EML1: variants seen among roughly 807,000 people sequenced by gnomAD.
The protein encoded by EML1 is echinoderm microtubule-associated protein-like 1.
Under a neutral mutation model 110.4 loss-of-function variants are expected in EML1, and 27 were observed. That is an observed-to-expected ratio of 0.24 (90% CI 0.18 to 0.34). EML1 has a LOEUF of 0.34. Among genes scored for constraint, EML1 ranks in the 10% least tolerant of loss-of-function variants. EML1 has a pLI of 1.00. For synonymous variants in EML1, 344 were observed against 385.8 expected, an observed-to-expected ratio of 0.89 and a Z score of 1.27; for missense variants, 741 against 1,030.9, an observed-to-expected ratio of 0.72 and a Z score of 3.85.
chr14:99,889,620 A>T (rs1324069990), intron 4 of EML1, among the ~76,000 whole-genome samples: 1 of 152,200 alleles, frequency 6.6e-6, no homozygotes, highest in Non-Finnish European at 1.5e-5. Flanking sequence ...CAGTGGCCTG[A>T]GAGTGGCTGA....
chr14:99,920,996 A>G, intron 17 of EML1, 119 bp downstream of exon 17: 1 of 900,062 alleles, frequency 1.1e-6, no homozygotes, highest in Non-Finnish European at 1.7e-6. Flanking sequence ...ATGGTGGTTT[A>G]ACGCACAGAT....
chr14:99,758,852 G>C (rs563023437), intron 1 of EML1, among the ~76,000 whole-genome samples: 8 of 152,156 alleles, frequency 5.3e-5, no homozygotes, highest in Non-Finnish European at 1.0e-4. Context: ...TGAACTTGTG[G>C]GCAGCACTCT....
At chr14:99,862,474 A>G (rs2059017939) in intron 2 of EML1, among the ~76,000 whole-genome samples, 1 of 152,246 alleles carries the variant, frequency 6.6e-6, no homozygotes, top group South Asian at 2.1e-4. Context: ...CACATAAATT[A>G]TTCAGAATAC....
chr14:99,889,625 G>A (rs1214476162), intron 4 of EML1, among the ~76,000 whole-genome samples: 1 of 152,202 alleles, frequency 6.6e-6, no homozygotes, highest in Non-Finnish European at 1.5e-5. Flanking sequence ...GCCTGAGAGT[G>A]GCTGACTTCG....
intron 1 of EML1, among the ~76,000 whole-genome samples, chr14:99,829,487 T>C (rs2058414879): frequency 6.6e-6 from 1 of 152,246 alleles, no homozygotes; most frequent in South Asian, 2.1e-4. Context: ...TAACAAAATT[T>C]GTGATTTTAA....
intron 17 of EML1, among the ~76,000 whole-genome samples, chr14:99,926,950 G>A (rs1329406814): frequency 6.6e-6 from 1 of 152,132 alleles, no homozygotes; most frequent in East Asian, 1.9e-4. Context: ...TTGCCATGTT[G>A]CCCAGGCTGG....
chr14:99,902,419 G>C (rs1444187482), intron 9 of EML1, among the ~76,000 whole-genome samples: 1 of 152,112 alleles, frequency 6.6e-6, no homozygotes, highest in Non-Finnish European at 1.5e-5. Flanking sequence ...GAATAAGCAG[G>C]GTTAGTTTAA....
chr14:99,938,960 C>T (rs1388894318), intron 20 of EML1, among the ~76,000 whole-genome samples: 6 of 152,250 alleles, frequency 3.9e-5, no homozygotes, highest in African/African-American at 1.4e-4. Context: ...GAAAGCTTGT[C>T]TTTGCTCCCC....
In EML1 at chr14:99,811,096, G is replaced by A. The variant is rs2058069574; in HGVS notation, c.67+17553G>A. ...TATGATGTTCACCTCATACACGGTT[G>A]ACCCTTGAACAACGCAGGGGTTAGG... On this transcript the variant is annotated intron_variant, in intron 1 of 21. Coordinates refer to ENST00000262233, the MANE Select transcript of EML1 (RefSeq NM_004434.3). Among the ~76,000 whole-genome samples the A allele has an allele frequency of 2.0e-5, 3 of 148,744 alleles. No individual in the cohort carries two copies. The South Asian group carries it at 6.3e-4, about 31-fold the overall frequency.
chr14:99,899,852 A>G (rs2140014794), intron 8 of EML1, among the ~76,000 whole-genome samples: 1 of 152,238 alleles, frequency 6.6e-6, no homozygotes, highest in East Asian at 1.9e-4. Flanking sequence ...AGAACTAGAG[A>G]AAAATATTAT....
intron 9 of EML1, among the ~76,000 whole-genome samples, chr14:99,902,058 A>G (rs990302445): frequency 3.3e-5 from 5 of 152,142 alleles, no homozygotes; most frequent in Non-Finnish European, 1.5e-5. Flanking sequence ...GGTCTCTTGT[A>G]TTTGGGGTAG....
intron 5 of EML1, among the ~76,000 whole-genome samples, chr14:99,893,318 G>C (rs753098766): frequency 1.3e-5 from 2 of 152,154 alleles, no homozygotes; most frequent in Non-Finnish European, 2.9e-5. Context: ...ACCCAGGAGA[G>C]CCATAAGACA....
chr14:99,757,511 A>C (rs890843374), intron 1 of EML1, among the ~76,000 whole-genome samples: 3 of 152,354 alleles, frequency 2.0e-5, no homozygotes, highest in African/African-American at 7.2e-5. Flanking sequence ...ACACCCACGC[A>C]TGTACACTCA....
chr14:99,757,075 C>T (rs1045688721), intron 1 of EML1, among the ~76,000 whole-genome samples: 4 of 152,240 alleles, frequency 2.6e-5, no homozygotes, highest in Non-Finnish European at 5.9e-5. Flanking sequence ...CATGGCGGCT[C>T]ACGCCTGTCA....
chr14:99,886,969 G>C (rs2059487455), intron 4 of EML1, among the ~76,000 whole-genome samples: 1 of 152,236 alleles, frequency 6.6e-6, no homozygotes, highest in Non-Finnish European at 1.5e-5. Context: ...TCAGGGATTT[G>C]GACTTAGACA....
intron 6 of EML1, 130 bp downstream of exon 6, chr14:99,894,888 T>C (rs2139999006): frequency 8.1e-7 from 1 of 1,238,230 alleles, no homozygotes. Flanking sequence ...ACTGTTACTT[T>C]TGAAAACTTA....
intron 1 of EML1, among the ~76,000 whole-genome samples, chr14:99,766,429 G>C (rs2057370322): frequency 6.6e-6 from 1 of 151,918 alleles, no homozygotes. Context: ...CCTGATCTTA[G>C]GGGATCCACC....
chr14:99,878,726 T>G (rs1011454910), intron 4 of EML1, 107 bp downstream of exon 4: 1 of 1,464,982 alleles, frequency 6.8e-7, no homozygotes, highest in African/African-American at 1.4e-5. Context: ...CTGGGAGTAC[T>G]CTTGGAGAAG....
intron 1 of EML1, among the ~76,000 whole-genome samples, chr14:99,765,604 T>C (rs549963699): frequency 1.3e-5 from 2 of 151,866 alleles, no homozygotes; most frequent in Admixed American, 1.3e-4. Context: ...TACCGCACTA[T>C]ATATATATAT....
Sources: gnomAD v4.1 joint callset for allele counts (sites outside exome capture counted in the v4.1 genomes callset) on GRCh38, gnomAD v4.1.1 for gene constraint, MANE v1.5 for transcripts, NCBI Gene and HGNC (gene_info 2026-07-23, HGNC 2026-07-21) for gene names.